Variants in HMCN2 observed in about 807,000 individuals in gnomAD.
HMCN2 encodes hemicentin 2.
In HMCN2, 325 loss-of-function variants were observed where a neutral mutation model predicts 377.5. That is an observed-to-expected ratio of 0.86 (90% CI 0.79 to 0.94). The LOEUF (loss-of-function observed/expected upper bound fraction) is 0.94, where lower values mean the gene tolerates loss of function less well. HMCN2 is among the 40% of genes least tolerant of loss of function. HMCN2 has a pLI of 0.00. For missense variants in HMCN2, 4,543 were observed against 4,725.3 expected, an observed-to-expected ratio of 0.96 and a Z score of 1.13; for synonymous variants, 2,007 against 2,046.8, an observed-to-expected ratio of 0.98 and a Z score of 0.53.
chr9:130,344,543 T>G (rs1839238070), intron 25 of HMCN2, among the ~76,000 whole-genome samples: 3 of 149,476 alleles, frequency 2.0e-5, no homozygotes, highest in Non-Finnish European at 4.5e-5. Context: ...GGTGTGTATG[T>G]GGTATGTGGT....
intron 84 of HMCN2, among the ~76,000 whole-genome samples, chr9:130,409,949 G>A (rs531804089): frequency 2.0e-5 from 3 of 152,320 alleles, no homozygotes; most frequent in South Asian, 4.2e-4. Flanking sequence ...CCACTCAGAA[G>A]TGATGTGAGC....
At chr9:130,350,611 G>A (rs1307093342) in intron 29 of HMCN2, among the ~76,000 whole-genome samples, 2 of 151,800 alleles carry the variant, frequency 1.3e-5, no homozygotes, top group African/African-American at 4.8e-5. Context: ...AGTGGGCCAG[G>A]TGCAGTGGCT....
Position 130,403,756 on chromosome 9 carries a change from T to C in HMCN2, c.12029T>C (p.Val4010Ala), listed in dbSNP as rs1304417184. 2 of 1,289,656 alleles carry C rather than the reference T, an allele frequency of 1.6e-6. No homozygotes were observed. Among genetic ancestry groups the C allele is most frequent in the African/African-American group, 3.0e-5 (2 of 65,850 alleles). The allele number at this position is 1,289,656 out of a possible 1,614,324, so 79.9% of individuals were successfully genotyped here. The change falls in exon 80 of 98, where the codon GTC becomes GCC. Residue 4010 changes from valine (V) to alanine (A), a missense_variant. Transcript: ENST00000683500. ...LNVATGVSTQ[V>A]LPGGQLRIAH... is the part of the protein sequence containing the mutation. The stretch of plus-strand genomic sequence containing the variant: ...CCTCGTTCAGGAGTGAGTACCCAGG[T>C]CCTACCAGGCGGACAGCTGCGGATT...
chr9:130,344,952 G>A (rs1839276405), intron 25 of HMCN2, among the ~76,000 whole-genome samples: 1 of 148,682 alleles, frequency 6.7e-6, no homozygotes, highest in African/African-American at 2.5e-5. Flanking sequence ...GTGGTTTGGT[G>A]TGTGTAGTGT....
In HMCN2 at chr9:130,352,890, G is replaced by A. The variant is rs1296184089; in HGVS notation, c.4586-37G>A. On this transcript the variant is annotated intron_variant, in intron 30 of 97. Coordinates refer to ENST00000683500, the MANE Select transcript of HMCN2 (RefSeq NM_001291815.2). ...TGGGGAAGATGCCAGAGGCCTCAGC[G>A]GCTGCCTGTGACCAGCCCCACCTCT... is the stretch of plus-strand genomic sequence containing the variant. The A allele has an allele frequency of 6.5e-6, 8 of 1,228,172 alleles. 1 individual carries two copies. The Admixed American group carries it at 1.2e-4, about 18-fold the overall frequency. 76.1% of individuals were successfully genotyped at this position (1,228,172 alleles called of 1,614,324 possible).
intron 96 of HMCN2, 127 bp downstream of exon 96, chr9:130,431,613 C>T (rs973925323): frequency 4.0e-5 from 55 of 1,371,242 alleles, no homozygotes; most frequent in Middle Eastern, 1.9e-4. Context: ...TGAGGTGGGG[C>T]GGGGAGGCAG....
At chr9:130,317,988 G>A (rs1257761324) in intron 15 of HMCN2, among the ~76,000 whole-genome samples, 1 of 152,034 alleles carries the variant, frequency 6.6e-6, no homozygotes, top group Non-Finnish European at 1.5e-5. Flanking sequence ...TTCTGCTCCA[G>A]GTAGGTGAGG....
rs1459717684 is a variant in HMCN2, at chr9:130,422,596, G to A, written c.13251G>A (p.Trp4417Ter). 5 of 1,322,546 alleles carry A rather than the reference G, an allele frequency of 3.8e-6. No individual in the cohort carries two copies. Among genetic ancestry groups the A allele is most frequent in the Non-Finnish European group, 4.9e-6 (5 of 1,030,078 alleles). The allele number at this position is 1,322,546 out of a possible 1,614,324, so 81.9% of individuals were successfully genotyped here. A position where few individuals can be genotyped will look rare whatever the true frequency, so the allele number is the denominator to read the frequency against. The change falls in exon 87 of 98, where the codon TGG becomes TGA. Residue 4417 changes from tryptophan (W) to a stop codon, truncating the protein, a stop_gained. Transcript: ENST00000683500. LOFTEE classifies it high-confidence loss of function. This position sits in a 1 kb window ranked among gnomAD's most constrained non-coding sequence, Gnocchi z 4.2. ...LVVRGEPQGS[W>*]GSMTGVINGR... ...TTACAGGGGAGCCCCAGGGGAGCTG[G>A]GGCAGCATGACTGGGGTGATAAATG...
chr9:130,382,260 G>A lies in HMCN2; in HGVS notation c.8508G>A (p.Val2836=). The change falls in exon 55 of 98, where the codon GTG becomes GTA. Residue 2836 remains valine, a synonymous_variant. Coordinates refer to ENST00000683500, the MANE Select transcript of HMCN2 (RefSeq NM_001291815.2). The stretch of plus-strand genomic sequence containing the variant: ...ACTCGTGCAAGGCCTCCAACGAGGT[G>A]GGCGAGGACTGGCTGCACTACGAGC... The part of the protein sequence containing the change: ...GRYSCKASNE[V]GEDWLHYELL... The A allele has an allele frequency of 8.1e-6, 8 of 985,904 alleles. No homozygotes were observed. Among genetic ancestry groups the A allele is most frequent in the Non-Finnish European group, 9.6e-6 (8 of 829,958 alleles). The allele number at this position is 985,904 out of a possible 1,614,324, so 61.1% of individuals were successfully genotyped here.
rs538670510 is a variant in HMCN2 at position 130,268,831 on chromosome 9, G to A, written c.259+2694G>A. On this transcript the variant is annotated intron_variant, in intron 1 of 97. Transcript: ENST00000683500. ...GAGTGGAGCGGGAAAGTGGGGAAGG[G>A]CAAGATTGGACACAGCCGTGAGTGC... Among the ~76,000 whole-genome samples the A allele has an allele frequency of 4.7e-5, 7 of 148,550 alleles. 1 individual carries two copies. Among genetic ancestry groups the A allele is most frequent in the Non-Finnish European group, 9.1e-5 (6 of 66,110 alleles).
At chr9:130,274,053 ATT>A (rs55718524) in intron 1 of HMCN2, among the ~76,000 whole-genome samples, 9 of 144,330 alleles carry the variant, frequency 6.2e-5, no homozygotes, top group Admixed American at 6.9e-5. Flanking sequence ...TGATACATTA[ATT>A]TTTTTTTTTT....
At chr9:130,310,178 T>C (rs1564773312) in intron 15 of HMCN2, 117 bp downstream of exon 15, 1 of 296,730 alleles carries the variant, frequency 3.4e-6, no homozygotes, top group Non-Finnish European at 7.0e-6. Flanking sequence ...GATGGCATCA[T>C]GTGGATCCTG....
In HMCN2 at chr9:130,351,970, C is replaced by T. The variant is rs1588289859; in HGVS notation, c.4585+393C>T. On this transcript the variant is annotated intron_variant, in intron 30 of 97. Transcript: ENST00000683500. The surrounding 1 kb of genome is among the most constrained non-coding windows in gnomAD (Gnocchi z 5.4). ...GGGATTACAGGTGCCCACCACCACACCCAGTTCATTTTTGTATTTTTAGTA... is the reference window on the plus strand; with the variant it reads ...GGGATTACAGGTGCCCACCACCACATCCAGTTCATTTTTGTATTTTTAGTA... Among the ~76,000 whole-genome samples the T allele has an allele frequency of 6.6e-6, 1 of 152,072 alleles. No individual in the cohort carries two copies. The highest frequency in any genetic ancestry group is 1.5e-5 in the Non-Finnish European group (1 of 68,026).
intron 41 of HMCN2, among the ~76,000 whole-genome samples, chr9:130,365,119 C>A (rs963145842): frequency 6.6e-6 from 1 of 152,218 alleles, no homozygotes; most frequent in Admixed American, 6.5e-5. Flanking sequence ...CTCCCACCCC[C>A]CTACACCTTG....
Position 130,398,636 on chromosome 9 carries a change from C to T in HMCN2, c.11412C>T (p.Ser3804=). Reference sequence around the variant, plus strand: ...TGCTGCCCTGCGAGGCCAGCGGCTCCCCTAAGCCCCTGGTGGTCTGGTGGA... The same window carrying T: ...TGCTGCCCTGCGAGGCCAGCGGCTCTCCTAAGCCCCTGGTGGTCTGGTGGA... The part of the protein sequence containing the change: ...PALLPCEASG[S]PKPLVVWWKD... Residue 3804 remains serine, a synonymous_variant, in exon 75 of 98, where the codon TCC becomes TCT. Transcript: ENST00000683500. 7.8e-7 allele frequency: 1 copy of T among 1,289,504 alleles called. No individual in the cohort carries two copies. Among genetic ancestry groups the T allele is most frequent in the Non-Finnish European group, 1.0e-6 (1 of 988,592 alleles). The allele number at this position is 1,289,504 out of a possible 1,614,324, so 79.9% of individuals were successfully genotyped here.
At chr9:130,415,798 C>T (rs531727634) in intron 85 of HMCN2, among the ~76,000 whole-genome samples, 58 of 152,326 alleles carry the variant, frequency 3.8e-4, no homozygotes, top group African/African-American at 1.3e-3. Flanking sequence ...CAGGTTCTCG[C>T]CGTTCAGTTG....
chr9:130,343,226 G>A (rs977021458), intron 25 of HMCN2, among the ~76,000 whole-genome samples: 1 of 152,160 alleles, frequency 6.6e-6, no homozygotes, highest in South Asian at 2.1e-4. Flanking sequence ...TCGGCGTTGG[G>A]CTCCTGCATG....
chr9:130,411,598 CAA>C (rs35719589), intron 85 of HMCN2, among the ~76,000 whole-genome samples: 11 of 97,770 alleles, frequency 1.1e-4, no homozygotes, highest in African/African-American at 3.6e-4. Context: ...GACTCAATCT[CAA>C]AAAAAAAAAA....
intron 15 of HMCN2, among the ~76,000 whole-genome samples, chr9:130,311,053 G>T (rs1184127100): frequency 6.6e-6 from 1 of 152,236 alleles, no homozygotes; most frequent in Non-Finnish European, 1.5e-5. Flanking sequence ...CTTCCGGGAT[G>T]TCTCCATCCC....
Sources: allele counts gnomAD v4.1 joint callset (sites outside exome capture counted in the v4.1 genomes callset), GRCh38; gene constraint gnomAD v4.1.1; non-coding constraint Gnocchi (gnomAD v3.1); transcripts MANE v1.5; gene names NCBI Gene and HGNC (gene_info 2026-07-23, HGNC 2026-07-21).